Variants in PI4KA observed in about 807,000 individuals in gnomAD.
The protein encoded by PI4KA is PI4-kinase alpha.
PI4KA carries 122 observed loss-of-function variants against 271.4 expected under a neutral mutation model. The ratio of observed to expected loss-of-function variants is 0.45; its 90% CI spans 0.39 to 0.52. The LOEUF is 0.52. Among genes scored for constraint, PI4KA ranks in the 20% least tolerant of loss-of-function variants. The probability of loss-of-function intolerance (pLI) is 0.00; values close to 1 mark genes in which losing one functional copy is unlikely to be tolerated. For missense variants in PI4KA, 1,969 were observed against 2,769.1 expected (o/e 0.71, Z 6.48); for synonymous variants, 1,041 against 1,078.8 (o/e 0.96, Z 0.69).
At chr22:20,854,678 A>C (rs1004549690) in intron 1 of PI4KA, among the ~76,000 whole-genome samples, 1 of 152,120 alleles carries the variant, frequency 6.6e-6, no homozygotes, top group Admixed American at 6.6e-5. Flanking sequence ...CCCTATCTAG[A>C]TCAAGCCCCA....
intron 32 of PI4KA, among the ~76,000 whole-genome samples, chr22:20,739,367 C>CA (rs1568973965): frequency 6.8e-6 from 1 of 146,020 alleles, no homozygotes; most frequent in Non-Finnish European, 1.5e-5. Flanking sequence ...AAAGCAACAA[C>CA]AAAAAAAGTC....
At chr22:20,729,223 C>T in intron 39 of PI4KA, 90 bp downstream of exon 39, 5 of 1,068,500 alleles carry the variant, frequency 4.7e-6, no homozygotes, top group Non-Finnish European at 6.8e-6. Context: ...GGCTGCAGGG[C>T]ACTCCTGAGA....
chr22:20,708,043 C>G lies in PI4KA; in HGVS notation c.*4G>C, dbSNP rs1924731901. On this transcript the variant is annotated 3_prime_UTR_variant, in exon 55 of 55. Transcript: ENST00000255882. ...TGGGGCAGAGGCCCTCGAAGGTCCC[C>G]TCCTCAGTAGGGGATGTCATTCTGA... 1 of 1,611,770 alleles carries G rather than the reference C, an allele frequency of 6.2e-7. No individual in the cohort carries two copies. Among genetic ancestry groups the G allele is most frequent in the Non-Finnish European group, 8.5e-7 (1 of 1,178,164 alleles).
intron 9 of PI4KA, among the ~76,000 whole-genome samples, chr22:20,808,588 T>TAA (rs1935810506): frequency 1.1e-5 from 1 of 92,138 alleles, no homozygotes; most frequent in African/African-American, 4.9e-5. Context: ...AGACTCCGTC[T>TAA]CAAAAAAAAA....
intron 1 of PI4KA, among the ~76,000 whole-genome samples, chr22:20,840,141 G>A (rs891971590): frequency 1.3e-5 from 2 of 152,150 alleles, no homozygotes; most frequent in Non-Finnish European, 2.9e-5. Flanking sequence ...AAGACAGCAC[G>A]AAGACTTGAA....
rs111617755 is a variant in PI4KA, at chr22:20,729,569, G to A, written c.4488+63C>T. On this transcript the variant is annotated intron_variant, in intron 38 of 54. Coordinates refer to ENST00000255882, the MANE Select transcript of PI4KA (RefSeq NM_058004.4). ...TCTGTGAGTGCCCACACACTGCCCC[G>A]GCCACCAGGTGTCGTACAGGCAGGT... The A allele has an allele frequency of 8.5e-4, 1,320 of 1,549,890 alleles. 9 individuals are homozygous for A. In the African/African-American group the frequency reaches 0.012, roughly 14 times the overall value.
intron 32 of PI4KA, among the ~76,000 whole-genome samples, chr22:20,739,833 C>T (rs1052616324): frequency 7.2e-5 from 11 of 152,026 alleles, no homozygotes; most frequent in Non-Finnish European, 1.6e-4. Context: ...GAGGCTGAGG[C>T]AGGTGCATCA....
In PI4KA at chr22:20,747,518, C is replaced by A. The variant is rs1011278824; in HGVS notation, c.3363+65G>T. 2.5e-6 allele frequency: 4 copies of A among 1,568,934 alleles called. No homozygotes were observed. The African/African-American group carries it at 4.1e-5, about 16-fold the overall frequency. On this transcript the variant is annotated intron_variant, in intron 29 of 54. Transcript: ENST00000255882. ...TGAAAAGCGACAGCCGAGCTCTAAG[C>A]CTTCCCCTGCACTGTGGCTCCTATG... is the stretch of plus-strand genomic sequence containing the variant.
rs773395215 is a variant in PI4KA, at chr22:20,799,131, T to C, written c.1966A>G (p.Ile656Val). The change falls in exon 16 of 55, where the codon ATT becomes GTT. Residue 656 changes from isoleucine to valine, a missense_variant. Physicochemically the swap from Ile to Val is conservative, Grantham distance 29. Around this residue, in one of 13 missense-constraint regions of PI4KA, gnomAD observed 228 missense variants for 261.6 expected, o/e 0.87. Coordinates refer to ENST00000255882, the MANE Select transcript of PI4KA (RefSeq NM_058004.4). ...ACCAGGCAGCCCAGCTGGTCAATAA[T>C]CAGCACATCGAGGGGGGAGGGTGGC... ...CQPPSPLDVL[I>V]IDQLGCLVIT... The C allele has an allele frequency of 6.2e-7, 1 of 1,613,492 alleles. No homozygotes were observed. The highest frequency in any genetic ancestry group is 1.1e-5 in the South Asian group (1 of 90,998).
At chr22:20,747,425 G>C (rs1601397317) in intron 29 of PI4KA, 158 bp downstream of exon 29, 1 of 602,188 alleles carries the variant, frequency 1.7e-6, no homozygotes, top group East Asian at 3.0e-5. Context: ...TTTGGGCCAA[G>C]GTGCGGCTTG....
intron 3 of PI4KA, among the ~76,000 whole-genome samples, chr22:20,832,498 G>A (rs559817817): frequency 2.0e-4 from 31 of 152,078 alleles, no homozygotes; most frequent in African/African-American, 7.5e-4. Context: ...CTGTTACCCA[G>A]GCTGAAGTGC....
intron 11 of PI4KA, 58 bp from the exon 12 acceptor site, chr22:20,804,458 C>A: frequency 1.8e-6 from 2 of 1,133,436 alleles, no homozygotes; most frequent in Non-Finnish European, 2.7e-6. Context: ...CTTTCTAACA[C>A]ACTTATCCAC....
Position 20,805,054 on chromosome 22 carries a change from T to C in PI4KA, c.1280A>G (p.Glu427Gly). Residue 427 changes from glutamate to glycine, a missense_variant, in exon 11 of 55, where the codon GAG (glutamate) becomes GGG (glycine). Transcript: ENST00000255882. ...ACAGCGCAGTTTGAGGGGGCTCAGCTCATTGTGGATCCGGTCTGCGTCATG... is the reference window on the plus strand; with the variant it reads ...ACAGCGCAGTTTGAGGGGGCTCAGCCCATTGTGGATCCGGTCTGCGTCATG... ...ILHDADRIHN[E>G]LSPLKLRCQA... is the part of the protein sequence containing the mutation. 4 of 1,614,140 alleles carry C rather than the reference T, an allele frequency of 2.5e-6. No homozygotes were observed. The highest frequency in any genetic ancestry group is 3.4e-6 in the Non-Finnish European group (4 of 1,179,990).
intron 7 of PI4KA, among the ~76,000 whole-genome samples, chr22:20,816,635 A>T (rs1921849201): frequency 6.6e-6 from 1 of 152,164 alleles, no homozygotes; most frequent in Admixed American, 6.5e-5. Flanking sequence ...CCAACTCAAA[A>T]AAAAGAAAAA....
intron 32 of PI4KA, 100 bp downstream of exon 32, chr22:20,742,128 G>T: frequency 1.6e-6 from 2 of 1,234,578 alleles, no homozygotes; most frequent in Non-Finnish European, 1.1e-6. Context: ...TGAGGGGCTT[G>T]CCCAGTGTCT....
intron 54 of PI4KA, among the ~76,000 whole-genome samples, chr22:20,708,752 G>A (rs1477463378): frequency 2.7e-5 from 3 of 112,740 alleles, no homozygotes; most frequent in Non-Finnish European, 5.3e-5. Context: ...TGCTGGGATC[G>A]CCATCCTCCC....
At chr22:20,744,369 C>G (rs1929825153) in intron 30 of PI4KA, among the ~76,000 whole-genome samples, 1 of 152,114 alleles carries the variant, frequency 6.6e-6, no homozygotes, top group Non-Finnish European at 1.5e-5. Flanking sequence ...TAAAAAAAAG[C>G]CAAAAAAATT....
intron 22 of PI4KA, among the ~76,000 whole-genome samples, chr22:20,763,125 T>C (rs1445232453): frequency 1.3e-5 from 2 of 152,012 alleles, no homozygotes; most frequent in Non-Finnish European, 2.9e-5. Flanking sequence ...AGCCATTTGT[T>C]TTTTTGAGAC....
At chr22:20,790,298 G>T (rs565426303) in intron 19 of PI4KA, among the ~76,000 whole-genome samples, 1 of 152,232 alleles carries the variant, frequency 6.6e-6, no homozygotes, top group South Asian at 2.1e-4. Context: ...AGTAATCTGA[G>T]ACACTGTGTC....
Sources: gnomAD v4.1 joint callset for allele counts (sites outside exome capture counted in the v4.1 genomes callset) on GRCh38, gnomAD v4.1.1 for gene constraint, gnomAD v4.1.1 regional missense constraint, MANE v1.5 for transcripts, NCBI Gene and HGNC (gene_info 2026-07-23, HGNC 2026-07-21) for gene names.